The following TRPM1 variants were observed in gnomAD, a reference collection of about 807,000 sequenced individuals.
The protein encoded by TRPM1 is TRPM1-203 APA Isoform, Intron 10.
TRPM1 carries 113 observed loss-of-function variants against 149.4 expected under a neutral mutation model. The observed-to-expected ratio is 0.76, with a 90% CI of 0.65 to 0.88. The LOEUF (loss-of-function observed/expected upper bound fraction) is 0.88, where lower values mean the gene tolerates loss of function less well. Among genes scored for constraint, TRPM1 ranks in the 40% least tolerant of loss-of-function variants. The pLI is 0.00. For missense variants in TRPM1, 1,976 were observed against 2,038.7 expected (o/e 0.97, Z 0.59); for synonymous variants, 741 against 759.5 (o/e 0.98, Z 0.40).
rs1251541768 is a variant in TRPM1 at position 31,091,738 on chromosome 15, C to T, written c.-84+9919G>A. 2.0e-5 allele frequency among the ~76,000 whole-genome samples: 3 copies of T among 152,182 alleles called. No individual in the cohort carries two copies. The East Asian group carries it at 5.8e-4, about 29-fold the overall frequency. On this transcript the variant is annotated intron_variant, in intron 1 of 27. Coordinates refer to ENST00000256552, the MANE Select transcript of TRPM1 (RefSeq NM_001252024.2). ...GTGTGGTCTGTGGTGACCAGTGACT[C>T]ATGGTCAGTGTCTGGGCTGCTCATA...
intron 27 of TRPM1, among the ~76,000 whole-genome samples, chr15:31,004,048 T>C (rs1489760958): frequency 6.6e-6 from 1 of 152,196 alleles, no homozygotes; most frequent in Admixed American, 6.5e-5. Flanking sequence ...GTTGAATTTG[T>C]CCCCAGGATG....
chr15:31,160,780 C>A, intron 1 of TRPM1: 1 of 1,041,356 alleles, frequency 9.6e-7, no homozygotes. Context: ...ATGCCCCATG[C>A]CCACCCAGCA....
At chr15:31,046,115 G>C (rs1350760781) in intron 16 of TRPM1, 89 bp downstream of exon 16, 1 of 1,314,542 alleles carries the variant, frequency 7.6e-7, no homozygotes, top group East Asian at 2.3e-5. Context: ...TTGGTGAGTA[G>C]TATCGTATAT....
chr15:31,059,775 G>A (rs1462841750), intron 11 of TRPM1, among the ~76,000 whole-genome samples: 1 of 152,134 alleles, frequency 6.6e-6, no homozygotes, highest in Non-Finnish European at 1.5e-5. Flanking sequence ...AAGCAGCAGA[G>A]CCCTTTTTGC....
intron 1 of TRPM1, among the ~76,000 whole-genome samples, chr15:31,124,782 C>T (rs79296466): frequency 0.029 from 4,432 of 151,718 alleles, 221 homozygotes; most frequent in African/African-American, 0.1. Flanking sequence ...GAAGACAGGG[C>T]GGGATGAACA....
intron 1 of TRPM1, 48 bp from the exon 2 acceptor site, chr15:31,081,486 T>G: frequency 8.1e-7 from 1 of 1,241,960 alleles, no homozygotes; most frequent in African/African-American, 1.5e-5. Context: ...CTGCAGCCTC[T>G]TTCTTGGGAA....
At chr15:31,077,879 ATG>A (rs2034752750) in intron 2 of TRPM1, among the ~76,000 whole-genome samples, 1 of 150,486 alleles carries the variant, frequency 6.6e-6, no homozygotes, top group East Asian at 2.0e-4. Context: ...TGTGTTTGTG[ATG>A]TGTGTGTGGT....
chr15:31,097,999 G>T (rs2035428388), intron 1 of TRPM1, among the ~76,000 whole-genome samples: 5 of 152,206 alleles, frequency 3.3e-5, no homozygotes, highest in Non-Finnish European at 1.5e-5. Flanking sequence ...TCATATTTTA[G>T]ATATATTGTG....
At chr15:31,127,280 C>T (rs2035963305) in intron 1 of TRPM1, among the ~76,000 whole-genome samples, 1 of 152,152 alleles carries the variant, frequency 6.6e-6, no homozygotes, top group Admixed American at 6.5e-5. Flanking sequence ...CTACTTGGGG[C>T]CTCTTGTGGG....
intron 1 of TRPM1, among the ~76,000 whole-genome samples, chr15:31,159,689 C>T (rs923340009): frequency 1.3e-5 from 2 of 152,138 alleles, no homozygotes; most frequent in Non-Finnish European, 1.5e-5. Flanking sequence ...TTTCTATTTG[C>T]ATTTTCAGGT....
intron 16 of TRPM1, among the ~76,000 whole-genome samples, chr15:31,045,208 C>T (rs937123896): frequency 2.0e-5 from 3 of 152,170 alleles, no homozygotes; most frequent in African/African-American, 4.8e-5. Flanking sequence ...ACACTGAATC[C>T]ATGAAGAATC....
At chr15:31,139,388 G>T (rs187920244) in intron 1 of TRPM1, among the ~76,000 whole-genome samples, 1 of 152,144 alleles carries the variant, frequency 6.6e-6, no homozygotes, top group African/African-American at 2.4e-5. Flanking sequence ...GACATTAATA[G>T]TCTAAACAGG....
chr15:31,069,246 C>T (rs1567031929), intron 4 of TRPM1: 2 of 214,142 alleles, frequency 9.3e-6, no homozygotes, highest in East Asian at 1.9e-4. Flanking sequence ...ATGGGTCAGG[C>T]GATCATGGGC....
At chr15:31,016,534 C>G (rs1010959991) in intron 27 of TRPM1, among the ~76,000 whole-genome samples, 1 of 152,096 alleles carries the variant, frequency 6.6e-6, no homozygotes, top group African/African-American at 2.4e-5. Context: ...GAAAAAAATT[C>G]CACTTATGAA....
At chr15:31,031,263 T>G in intron 22 of TRPM1, 106 bp from the exon 23 acceptor site, 1 of 1,266,944 alleles carries the variant, frequency 7.9e-7, no homozygotes, top group Non-Finnish European at 1.1e-6. Context: ...AGTGCTTAAT[T>G]AGGACGAAGA....
rs997628293 is a variant in TRPM1 at position 31,056,676 on chromosome 15, A to C, written c.1263+3868T>G. Among the ~76,000 whole-genome samples the C allele has an allele frequency of 3.3e-5, 5 of 152,348 alleles. No homozygotes were observed. The East Asian group carries it at 9.6e-4, about 29-fold the overall frequency. ...GTTTAGGTTATGAAATTCTGCTCTC[A>C]TGAATGGATTAATGCTTTTATAGAG... On this transcript the variant is annotated intron_variant, in intron 11 of 27. Coordinates refer to ENST00000256552, the MANE Select transcript of TRPM1 (RefSeq NM_001252024.2).
intron 20 of TRPM1, 89 bp from the exon 21 acceptor site, chr15:31,035,763 C>G: frequency 6.3e-7 from 1 of 1,577,236 alleles, no homozygotes; most frequent in Non-Finnish European, 8.7e-7. Context: ...GTTGACACAT[C>G]TAAAAGAATC....
At chr15:31,086,510 G>A (rs905961265) in intron 1 of TRPM1, among the ~76,000 whole-genome samples, 5 of 152,248 alleles carry the variant, frequency 3.3e-5, no homozygotes, top group Admixed American at 2.6e-4. Context: ...TCGAGGGGTG[G>A]TGACCAGGGA....
intron 1 of TRPM1, among the ~76,000 whole-genome samples, chr15:31,089,784 C>T (rs1246244344): frequency 1.3e-5 from 2 of 152,162 alleles, no homozygotes; most frequent in Non-Finnish European, 2.9e-5. Context: ...ACATGGTGTC[C>T]CCAAAGTGCA....
Sources: gnomAD v4.1 joint callset for allele counts (sites outside exome capture counted in the v4.1 genomes callset) on GRCh38, gnomAD v4.1.1 for gene constraint, MANE v1.5 for transcripts, NCBI Gene and HGNC (gene_info 2026-07-23, HGNC 2026-07-21) for gene names.